CRPPA: variants seen among roughly 807,000 people sequenced by gnomAD.
CRPPA encodes the protein D-ribitol-5-phosphate cytidylyltransferase.
Under a neutral mutation model 52.0 loss-of-function variants are expected in CRPPA, and 43 were observed. The observed-to-expected ratio is 0.83, with a 90% CI of 0.65 to 1.07. CRPPA has a LOEUF of 1.07. Ranked by LOEUF, CRPPA falls within the 50% of genes least tolerant of loss-of-function variation. The pLI is 0.00. For missense variants in CRPPA, 629 were observed against 551.7 expected (o/e 1.14, Z -1.40); for synonymous variants, 250 against 203.5 (o/e 1.23, Z -1.94).
intron 9 of CRPPA, among the ~76,000 whole-genome samples, chr7:16,131,832 T>C (rs117266697): frequency 0.043 from 6,500 of 152,286 alleles, 180 homozygotes; most frequent in Non-Finnish European, 0.063. Flanking sequence ...CTGCCCATCT[T>C]GGCCTCTCAA....
intron 5 of CRPPA, among the ~76,000 whole-genome samples, chr7:16,280,190 C>G (rs1192150725): frequency 6.6e-6 from 1 of 152,166 alleles, no homozygotes; most frequent in Non-Finnish European, 1.5e-5. Context: ...CAAACCATGT[C>G]AAAAGACATA....
At chr7:16,145,741 G>A (rs1446513387) in intron 9 of CRPPA, among the ~76,000 whole-genome samples, 1 of 150,996 alleles carries the variant, frequency 6.6e-6, no homozygotes, top group Admixed American at 6.6e-5. Context: ...AATAATCAGT[G>A]AGCTCAAAGA....
At chr7:16,389,173 C>A (rs367882772) in intron 2 of CRPPA, among the ~76,000 whole-genome samples, 1 of 152,004 alleles carries the variant, frequency 6.6e-6, no homozygotes, top group Non-Finnish European at 1.5e-5. Context: ...TGAACTATGC[C>A]AAAAATTTAA....
intron 9 of CRPPA, among the ~76,000 whole-genome samples, chr7:16,125,605 T>C (rs1308497856): frequency 1.3e-5 from 2 of 152,122 alleles, no homozygotes; most frequent in Non-Finnish European, 2.9e-5. Flanking sequence ...AGTAAAATTA[T>C]AGTAATGGAC....
At chr7:16,110,320 A>T (rs1423871980) in intron 9 of CRPPA, among the ~76,000 whole-genome samples, 1 of 152,140 alleles carries the variant, frequency 6.6e-6, no homozygotes, top group Non-Finnish European at 1.5e-5. Context: ...ATATTGGAAG[A>T]ATTAGTATTG....
intron 2 of CRPPA, among the ~76,000 whole-genome samples, chr7:16,385,160 G>T (rs544703957): frequency 6.6e-6 from 1 of 151,736 alleles, no homozygotes; most frequent in East Asian, 1.9e-4. Context: ...GAACAGAGCC[G>T]CAGAATAAAG....
At chr7:16,167,552 C>T (rs1781093622) in intron 9 of CRPPA, among the ~76,000 whole-genome samples, 1 of 152,166 alleles carries the variant, frequency 6.6e-6, no homozygotes, top group African/African-American at 2.4e-5. Context: ...ATAAATGTGT[C>T]TCCATTACCC....
intron 3 of CRPPA, among the ~76,000 whole-genome samples, chr7:16,327,943 C>T (rs1179191660): frequency 1.3e-5 from 2 of 152,154 alleles, no homozygotes; most frequent in African/African-American, 4.8e-5. Context: ...GTCACCACCA[C>T]ATATTGTCTT....
At chr7:16,143,482 T>C (rs1168252575) in intron 9 of CRPPA, among the ~76,000 whole-genome samples, 1 of 152,170 alleles carries the variant, frequency 6.6e-6, no homozygotes, top group East Asian at 1.9e-4. Flanking sequence ...TATGATCACC[T>C]GGAATGAGGT....
In CRPPA at chr7:16,088,925, T is replaced by G. The variant is rs1002242868; in HGVS notation, c.*2770A>C. On this transcript the variant is annotated 3_prime_UTR_variant, in exon 10 of 10. Transcript: ENST00000407010. ...TGCCTCTGGCTTATATATCACGTCTTATATATCAGACGTGGCTTATATATC... is the reference window on the plus strand; with the variant it reads ...TGCCTCTGGCTTATATATCACGTCTGATATATCAGACGTGGCTTATATATC... 2 of 198,520 alleles carry G rather than the reference T, an allele frequency of 1.0e-5. No homozygotes were observed. Among genetic ancestry groups the G allele is most frequent in the Middle Eastern group, 2.8e-3 (1 of 360 alleles). 12.3% of individuals were successfully genotyped at this position (198,520 alleles called of 1,614,324 possible).
chr7:16,177,194 G>A (rs545123029), intron 9 of CRPPA, among the ~76,000 whole-genome samples: 1 of 152,176 alleles, frequency 6.6e-6, no homozygotes, highest in South Asian at 2.1e-4. Flanking sequence ...CAGAATTTTT[G>A]TAGTGGAGGA....
At chr7:16,193,115 A>G (rs1242045796) in intron 9 of CRPPA, among the ~76,000 whole-genome samples, 2 of 152,158 alleles carry the variant, frequency 1.3e-5, no homozygotes, top group Admixed American at 1.3e-4. Context: ...TTAGACTTGC[A>G]TTGAATTACA....
chr7:16,171,018 C>T (rs1219780238), intron 9 of CRPPA, among the ~76,000 whole-genome samples: 2 of 152,206 alleles, frequency 1.3e-5, no homozygotes, highest in Non-Finnish European at 2.9e-5. Context: ...AGAGGGGCTC[C>T]CACAGTGCAG....
At chr7:16,138,371 T>G (rs1054495884) in intron 9 of CRPPA, among the ~76,000 whole-genome samples, 1 of 152,138 alleles carries the variant, frequency 6.6e-6, no homozygotes, top group African/African-American at 2.4e-5. Context: ...TAAAATTATC[T>G]TTTAGTATGG....
intron 9 of CRPPA, among the ~76,000 whole-genome samples, chr7:16,201,653 C>T (rs540821802): frequency 2.1e-4 from 32 of 152,136 alleles, no homozygotes; most frequent in South Asian, 1.5e-3. Flanking sequence ...CTTGCCGAAC[C>T]GTGGGAGTGA....
chr7:16,387,084 TATAC>T (rs1420752622), intron 2 of CRPPA, among the ~76,000 whole-genome samples: 540 of 35,310 alleles, frequency 0.015, 3 homozygotes, highest in African/African-American at 0.064. Context: ...TATATATATA[TATAC>T]ACACATATAT....
chr7:16,139,723 G>A (rs780423774), intron 9 of CRPPA, among the ~76,000 whole-genome samples: 3 of 151,884 alleles, frequency 2.0e-5, no homozygotes, highest in Admixed American at 6.6e-5. Context: ...AAGAAAAATC[G>A]ATCAATAAAG....
chr7:16,217,175 G>A (rs1346677515), intron 8 of CRPPA, among the ~76,000 whole-genome samples: 1 of 144,154 alleles, frequency 6.9e-6, no homozygotes. Context: ...CCCCCAGCAG[G>A]GGCACACTGA....
chr7:16,390,192 GCCT>G (rs1035701357), intron 2 of CRPPA, among the ~76,000 whole-genome samples: 1 of 151,426 alleles, frequency 6.6e-6, no homozygotes, highest in African/African-American at 2.4e-5. Flanking sequence ...TTTCTGTCCT[GCCT>G]CCTCAATTTC....
Sources: gnomAD v4.1 joint callset for allele counts (sites outside exome capture counted in the v4.1 genomes callset) on GRCh38, gnomAD v4.1.1 for gene constraint, MANE v1.5 for transcripts, NCBI Gene and HGNC (gene_info 2026-07-23, HGNC 2026-07-21) for gene names.